Variants in OR14I1 observed in about 807,000 individuals in gnomAD.
OR14I1 encodes the protein olfactory receptor family 14 subfamily I member 1.
For missense variants in OR14I1, 279 were observed against 181.8 expected, an observed-to-expected ratio of 1.53 and a Z score of -3.07; for synonymous variants, 118 against 71.1, an observed-to-expected ratio of 1.66 and a Z score of -3.32.
chr1:248,701,516 G>A, the OR14I1 span, among the ~76,000 whole-genome samples: 6 of 152,148 alleles, frequency 3.9e-5, no homozygotes, highest in African/African-American at 7.2e-5. Context: ...TAAAGTGGCT[G>A]TAAAAACTAT....
At chr1:248,687,779 C>T in the OR14I1 span, among the ~76,000 whole-genome samples, 3 of 152,184 alleles carry the variant, frequency 2.0e-5, no homozygotes, top group East Asian at 1.9e-4. Flanking sequence ...GCTAGACATC[C>T]GTCTTGTTTG....
the OR14I1 span, among the ~76,000 whole-genome samples, chr1:248,695,605 G>C: frequency 2.6e-5 from 4 of 152,082 alleles, no homozygotes; most frequent in Non-Finnish European, 1.5e-5. Context: ...AAGCAAGCCT[G>C]GTTAGCCCTG....
At chr1:248,688,530 AC>A in the OR14I1 span, among the ~76,000 whole-genome samples, 4 of 152,246 alleles carry the variant, frequency 2.6e-5, no homozygotes, top group Admixed American at 6.5e-5. Flanking sequence ...AGTGGGTGGA[AC>A]CCACTGAAGA....
At chr1:248,686,074 AGATAT>A (rs1661645914), upstream of OR14I1, among the ~76,000 whole-genome samples, 1 of 152,176 alleles carries the variant, frequency 6.6e-6, no homozygotes, top group Non-Finnish European at 1.5e-5. Flanking sequence ...CATCATTGAT[AGATAT>A]AAGTTGAAAA....
chr1:248,687,780 GT>G, the OR14I1 span, among the ~76,000 whole-genome samples: 1 of 152,192 alleles, frequency 6.6e-6, no homozygotes, highest in African/African-American at 2.4e-5. Flanking sequence ...CTAGACATCC[GT>G]CTTGTTTGAA....
upstream of OR14I1, among the ~76,000 whole-genome samples, chr1:248,683,706 T>C (rs1304980968): frequency 6.6e-6 from 1 of 152,254 alleles, no homozygotes; most frequent in Non-Finnish European, 1.5e-5. Context: ...CTTTGAAGCA[T>C]TTCATTGTAT....
chr1:248,693,917 C>A, the OR14I1 span, among the ~76,000 whole-genome samples: 23,316 of 146,228 alleles, frequency 0.16, 1,991 homozygotes, highest in African/African-American at 0.25. Context: ...AAAAAAAAAA[C>A]CATTTACTGG....
the OR14I1 span, among the ~76,000 whole-genome samples, chr1:248,700,983 C>G: frequency 6.6e-6 from 1 of 152,098 alleles, no homozygotes; most frequent in Non-Finnish European, 1.5e-5. Context: ...AATCAAAGAC[C>G]AAAATGGGCA....
chr1:248,685,140 C>T (rs1291326989), upstream of OR14I1, among the ~76,000 whole-genome samples: 2 of 151,792 alleles, frequency 1.3e-5, no homozygotes, highest in Non-Finnish European at 2.9e-5. Context: ...CTTTTTTCCA[C>T]TGTTTTCTTT....
chr1:248,683,584 C>T (rs1298026706), upstream of OR14I1, among the ~76,000 whole-genome samples: 2 of 152,170 alleles, frequency 1.3e-5, no homozygotes, highest in East Asian at 3.9e-4. Flanking sequence ...TGTTTTATGA[C>T]AAATTTTAAA....
upstream of OR14I1, among the ~76,000 whole-genome samples, chr1:248,686,913 G>A (rs1661665254): frequency 6.6e-6 from 1 of 152,186 alleles, no homozygotes; most frequent in Admixed American, 6.5e-5. Context: ...AAAACCTGAT[G>A]TATAATATAT....
downstream of OR14I1, among the ~76,000 whole-genome samples, chr1:248,680,400 T>C (rs1365203631): frequency 6.6e-6 from 1 of 152,212 alleles, no homozygotes; most frequent in Admixed American, 6.5e-5. Context: ...GATGGGCTAA[T>C]GACAGTTCAC....
the OR14I1 span, among the ~76,000 whole-genome samples, chr1:248,695,206 A>G: frequency 1.7e-4 from 25 of 148,712 alleles, no homozygotes; most frequent in African/African-American, 5.4e-4. Flanking sequence ...ATAAGTTTTT[A>G]CGAATTACTT....
chr1:248,685,613 C>T (rs1483959323), upstream of OR14I1, among the ~76,000 whole-genome samples: 1 of 151,814 alleles, frequency 6.6e-6, no homozygotes, highest in Non-Finnish European at 1.5e-5. Context: ...TTCTAACACT[C>T]ACATTTCTGC....
At chr1:248,692,254 G>C in the OR14I1 span, 1 of 152,704 alleles carries the variant, frequency 6.5e-6, no homozygotes, top group Non-Finnish European at 1.5e-5. Context: ...CGCATTTCCC[G>C]CAGCGTCGCT....
chr1:248,692,054 G>A, the OR14I1 span: 3 of 152,380 alleles, frequency 2.0e-5, no homozygotes, highest in Non-Finnish European at 4.4e-5. Context: ...TGGCGCGGGA[G>A]CGCGGGCCCG....
upstream of OR14I1, among the ~76,000 whole-genome samples, chr1:248,682,847 G>A (rs1021467452): frequency 1.3e-5 from 2 of 152,154 alleles, no homozygotes; most frequent in African/African-American, 4.8e-5. Context: ...TTTAAGACAT[G>A]GAATGAGTAT....
chr1:248,696,191 C>T, the OR14I1 span, among the ~76,000 whole-genome samples: 8 of 152,336 alleles, frequency 5.3e-5, no homozygotes, highest in Admixed American at 4.6e-4. Flanking sequence ...ACATACTACT[C>T]ATCCCATAGG....
At chr1:248,680,840 A>G (rs1035672141), downstream of OR14I1, among the ~76,000 whole-genome samples, 3 of 152,166 alleles carry the variant, frequency 2.0e-5, no homozygotes, top group African/African-American at 7.2e-5. Flanking sequence ...AAAAATAACT[A>G]AGTGAAAGAG....
Sources: gnomAD v4.1 joint callset for allele counts (sites outside exome capture counted in the v4.1 genomes callset) on GRCh38, gnomAD v4.1.1 for gene constraint, MANE v1.5 for transcripts, NCBI Gene and HGNC (gene_info 2026-07-23, HGNC 2026-07-21) for gene names.